Variants in GPR107 observed in about 807,000 individuals in gnomAD.
GPR107 encodes protein GPR107.
GPR107 carries 31 observed loss-of-function variants against 75.5 expected under a neutral mutation model. That is an observed-to-expected ratio of 0.41 (90% CI 0.31 to 0.55). The LOEUF is 0.55. Ranked by LOEUF, GPR107 falls within the 20% of genes least tolerant of loss-of-function variation. The pLI, the probability that GPR107 is intolerant of heterozygous loss-of-function variation, is 0.26. For synonymous variants in GPR107, 267 were observed against 251.3 expected (o/e 1.06, Z -0.59); for missense variants, 572 against 665.7 (o/e 0.86, Z 1.55).
rs1554899869 is a variant in GPR107 at position 130,135,685 on chromosome 9, GC to G, written c.*567del. ...ATGTAGCACCTGCCCCAGGATTCCT[GC>G]CCTCGGCTTTGCCCCAGACCCTTAT... On this transcript the variant is annotated 3_prime_UTR_variant, in exon 18 of 18. Coordinates refer to ENST00000347136, the MANE Select transcript of GPR107 (RefSeq NM_020960.5). 1.3e-5 allele frequency: 2 copies of G among 153,050 alleles called. No homozygotes were observed. The highest frequency in any genetic ancestry group is 4.8e-5 in the African/African-American group (2 of 41,566). The allele number at this position is 153,050 out of a possible 1,614,324, so 9.5% of individuals were successfully genotyped here. A position where few individuals can be genotyped will look rare whatever the true frequency, so the allele number is the denominator to read the frequency against.
chr9:130,060,643 CAA>C (rs1048192713), intron 1 of GPR107, among the ~76,000 whole-genome samples: 1 of 151,952 alleles, frequency 6.6e-6, no homozygotes, highest in African/African-American at 2.4e-5. Context: ...GTTAAAAACA[CAA>C]TATTTTGATG....
intron 5 of GPR107, among the ~76,000 whole-genome samples, chr9:130,082,620 T>C (rs1313653191): frequency 6.6e-6 from 1 of 151,060 alleles, no homozygotes; most frequent in Non-Finnish European, 1.5e-5. Flanking sequence ...ACTGGGACTA[T>C]AGGCACCTGC....
chr9:130,082,472 ATCTTT>A (rs1446416902), intron 5 of GPR107, among the ~76,000 whole-genome samples: 1 of 94,722 alleles, frequency 1.1e-5, no homozygotes, highest in African/African-American at 4.1e-5. Context: ...CAAAAAGAAT[ATCTTT>A]TTTTTTTTTT....
At chr9:130,116,308 A>G (rs1289658678) in intron 14 of GPR107, among the ~76,000 whole-genome samples, 1 of 152,122 alleles carries the variant, frequency 6.6e-6, no homozygotes, top group Admixed American at 6.5e-5. Flanking sequence ...GTTAACATGC[A>G]TGTGCTTTCT....
rs1177452087 is a variant in GPR107, at chr9:130,135,430, C to T, written c.*309C>T. On this transcript the variant is annotated 3_prime_UTR_variant, in exon 18 of 18. Transcript: ENST00000347136. ...AGGTTTCTTTTTTTCTTCTTCATTTCGGAGCTCTAAGGTGTATGCAGTTGT... is the reference window on the plus strand; with the variant it reads ...AGGTTTCTTTTTTTCTTCTTCATTTTGGAGCTCTAAGGTGTATGCAGTTGT... 7 of 279,276 alleles carry T rather than the reference C, an allele frequency of 2.5e-5. No individual in the cohort carries two copies. The highest frequency in any genetic ancestry group is 1.0e-4 in the Admixed American group (2 of 20,030). The allele number at this position is 279,276 out of a possible 1,614,324, so 17.3% of individuals were successfully genotyped here. A position where few individuals can be genotyped will look rare whatever the true frequency, so the allele number is the denominator to read the frequency against.
chr9:130,072,382 G>A (rs1830231475), intron 1 of GPR107, among the ~76,000 whole-genome samples: 1 of 152,002 alleles, frequency 6.6e-6, no homozygotes, highest in Non-Finnish European at 1.5e-5. Context: ...ACCTCGCCCA[G>A]CTAATTTTTT....
At chr9:130,132,628 A>G (rs1011832400) in intron 17 of GPR107, among the ~76,000 whole-genome samples, 38 of 152,016 alleles carry the variant, frequency 2.5e-4, no homozygotes, top group African/African-American at 8.9e-4. Flanking sequence ...CTCTACCAAA[A>G]ATACAAAAGT....
At chr9:130,062,651 TGCCTGCCTG>T (rs1564657653) in intron 1 of GPR107, among the ~76,000 whole-genome samples, 33 of 81,072 alleles carry the variant, frequency 4.1e-4, no homozygotes, top group African/African-American at 7.7e-4. Context: ...CCTGCCTGCC[TGCCTGCCTG>T]CCTTCCTTCC....
intron 1 of GPR107, among the ~76,000 whole-genome samples, chr9:130,075,241 CTTTTTTTTTTT>C (rs149248581): frequency 1.3e-5 from 1 of 76,738 alleles, no homozygotes; most frequent in African/African-American, 4.6e-5. Flanking sequence ...TTTCTTTTAC[CTTTTTTTTTTT>C]TTTTTTTTTT....
At position 130,071,035 on chromosome 9, in the gene GPR107, CTTTTT is replaced by C. The variant is rs56799662; in HGVS notation, c.142-4587_142-4583del. ...GGCCCAGTCCTAACTTTTTTTTTTT[CTTTTT>C]TTTTTTTTTTTTTGAGACAGAGTCA... On this transcript the variant is annotated intron_variant, in intron 1 of 17. Transcript: ENST00000347136. Among the ~76,000 whole-genome samples the C allele has an allele frequency of 3.1e-5, 3 of 98,196 alleles. No homozygotes were observed. In the East Asian group the frequency reaches 8.7e-4, roughly 29 times the overall value. 64.4% of individuals were successfully genotyped at this position (98,196 alleles called of 152,430 possible). A position where few individuals can be genotyped will look rare whatever the true frequency, so the allele number is the denominator to read the frequency against.
At chr9:130,066,256 G>A (rs940049894) in intron 1 of GPR107, among the ~76,000 whole-genome samples, 8 of 152,024 alleles carry the variant, frequency 5.3e-5, no homozygotes, top group South Asian at 4.2e-4. Flanking sequence ...CTGAAATTGC[G>A]CCACTGCACT....
chr9:130,072,954 C>T (rs1830248305), intron 1 of GPR107, among the ~76,000 whole-genome samples: 1 of 152,120 alleles, frequency 6.6e-6, no homozygotes, highest in Non-Finnish European at 1.5e-5. Context: ...GCAAACAACT[C>T]AGCGCATTTC....
chr9:130,114,651 G>A, intron 14 of GPR107: 1 of 926,882 alleles, frequency 1.1e-6, no homozygotes, highest in South Asian at 1.6e-5. Flanking sequence ...CTCCCAAAGG[G>A]CTGGGATTAC....
In GPR107 at chr9:130,083,425, G is replaced by C. The variant is rs1830539835; in HGVS notation, c.527-140G>C. 3.4e-5 allele frequency: 15 copies of C among 446,040 alleles called. No homozygotes were observed. The East Asian group carries it at 5.4e-4, about 16-fold the overall frequency. The allele number at this position is 446,040 out of a possible 1,614,324, so 27.6% of individuals were successfully genotyped here. Reference sequence around the variant, plus strand: ...CAAGAATTATGTTTTGGGACCTGAGGAAATGGCAGTCCCCAAGATTATTTT... The same window carrying C: ...CAAGAATTATGTTTTGGGACCTGAGCAAATGGCAGTCCCCAAGATTATTTT... On this transcript the variant is annotated intron_variant, in intron 5 of 17. Transcript: ENST00000347136.
chr9:130,059,993 G>A (rs1829888166), intron 1 of GPR107, among the ~76,000 whole-genome samples: 1 of 151,824 alleles, frequency 6.6e-6, no homozygotes, highest in South Asian at 2.1e-4. Flanking sequence ...ACCCGCCTTG[G>A]CCTCCCAAAG....
At chr9:130,069,926 G>A (rs1177049237) in intron 1 of GPR107, among the ~76,000 whole-genome samples, 5 of 149,242 alleles carry the variant, frequency 3.4e-5, no homozygotes, top group Non-Finnish European at 5.9e-5. Flanking sequence ...AAGGGTATCT[G>A]CCCACCTTGG....
intron 15 of GPR107, among the ~76,000 whole-genome samples, chr9:130,126,379 CTT>C (rs1375691738): frequency 7.4e-6 from 1 of 134,606 alleles, no homozygotes; most frequent in Non-Finnish European, 1.6e-5. Context: ...GAGTTTCGCT[CTT>C]GTCTCCCAGG....
chr9:130,057,730 C>T (rs548135629), intron 1 of GPR107, among the ~76,000 whole-genome samples: 30 of 151,854 alleles, frequency 2.0e-4, no homozygotes, highest in Non-Finnish European at 3.5e-4. Flanking sequence ...TTGTCTTACT[C>T]CATGCTACAT....
intron 17 of GPR107, among the ~76,000 whole-genome samples, chr9:130,130,611 C>G (rs1831801387): frequency 6.6e-6 from 1 of 152,142 alleles, no homozygotes; most frequent in Non-Finnish European, 1.5e-5. Flanking sequence ...GTGGCTCATG[C>G]CTATAATCCC....
Sources: allele counts gnomAD v4.1 joint callset (sites outside exome capture counted in the v4.1 genomes callset), GRCh38; gene constraint gnomAD v4.1.1; transcripts MANE v1.5; gene names NCBI Gene and HGNC (gene_info 2026-07-23, HGNC 2026-07-21).